C10orf90: variants seen among roughly 807,000 people sequenced by gnomAD.
C10orf90 encodes chromosome 10 open reading frame 90.
In C10orf90, 56 loss-of-function variants were observed where a neutral mutation model predicts 62.5. That is an observed-to-expected ratio of 0.90 (90% CI 0.72 to 1.12). C10orf90 has a LOEUF of 1.12. C10orf90 is among the 50% of genes most tolerant of loss of function. The probability of loss-of-function intolerance (pLI) is 0.00; values close to 1 mark genes in which losing one functional copy is unlikely to be tolerated. For missense variants in C10orf90, 970 were observed against 880.4 expected (o/e 1.10, Z -1.29); for synonymous variants, 386 against 340.4 (o/e 1.13, Z -1.47).
intron 2 of C10orf90, among the ~76,000 whole-genome samples, chr10:126,565,147 ATATGTAATATAATATTTATATTACATAT>A (rs1564874067): frequency 5.4e-5 from 1 of 18,632 alleles, no homozygotes; most frequent in Non-Finnish European, 8.1e-5. Context: ...ATAATATTAA[ATATGTAATATAATATTTATATTACATAT>A]TATGTAATAT....
chr10:126,505,683 G>A (rs1252903369), intron 3 of C10orf90, among the ~76,000 whole-genome samples: 1 of 152,164 alleles, frequency 6.6e-6, no homozygotes, highest in African/African-American at 2.4e-5. Context: ...AGCTGGGCAT[G>A]GTGGCTCACA....
chr10:126,537,938 G>A (rs535989089), intron 2 of C10orf90, among the ~76,000 whole-genome samples: 136 of 152,212 alleles, frequency 8.9e-4, no homozygotes, highest in African/African-American at 2.7e-3. Flanking sequence ...TGTGACTATT[G>A]TACAGAAAAG....
Position 126,449,945 on chromosome 10 carries a change from C to T in C10orf90, c.2188+9095G>A, listed in dbSNP as rs990122891. On this transcript the variant is annotated intron_variant, in intron 7 of 9. Transcript: ENST00000488181. The stretch of plus-strand genomic sequence containing the variant: ...CTGGGAGGCAGAGGTTGCAGTGAGC[C>T]GAGATTGCACCACTGCACTCCAGCC... Among the ~76,000 whole-genome samples, 8 of 148,912 alleles carry T rather than the reference C, an allele frequency of 5.4e-5. No homozygotes were observed. The South Asian group carries it at 6.4e-4, about 12-fold the overall frequency.
At chr10:126,487,052 G>A (rs1322405597) in intron 4 of C10orf90, among the ~76,000 whole-genome samples, 2 of 148,956 alleles carry the variant, frequency 1.3e-5, no homozygotes, top group Non-Finnish European at 3.0e-5. Flanking sequence ...GGCTGAGGCA[G>A]GAGGATCACT....
chr10:126,437,547 G>A (rs947357598), intron 7 of C10orf90, among the ~76,000 whole-genome samples: 7 of 152,158 alleles, frequency 4.6e-5, no homozygotes, highest in Non-Finnish European at 1.0e-4. Context: ...GGGTTTTGAG[G>A]CTTTGAGGAA....
At chr10:126,657,261 C>A (rs1022436294) in intron 1 of C10orf90, among the ~76,000 whole-genome samples, 53 of 152,318 alleles carry the variant, frequency 3.5e-4, no homozygotes, top group African/African-American at 1.2e-3. Context: ...ATCTCCAGTA[C>A]CTTTTTATCA....
At chr10:126,448,812 A>G (rs1858968606) in intron 7 of C10orf90, among the ~76,000 whole-genome samples, 1 of 152,204 alleles carries the variant, frequency 6.6e-6, no homozygotes, top group South Asian at 2.1e-4. Context: ...AAGAATATAC[A>G]TCCTGCCAAG....
In C10orf90 at chr10:126,456,408, C is replaced by G. The variant is rs1289832655; in HGVS notation, c.2188+2632G>C. ...AGAGCATGCTGCTTGCCAGGACTGT[C>G]TTGGAATGTGGGGAGTAAAAGGTAC... On this transcript the variant is annotated intron_variant, in intron 7 of 9. Transcript: ENST00000488181. This position sits in a 1 kb window ranked among gnomAD's most constrained non-coding sequence, Gnocchi z 4.9. 6.6e-6 allele frequency among the ~76,000 whole-genome samples: 1 copy of G among 152,160 alleles called. No individual in the cohort carries two copies. Among genetic ancestry groups the G allele is most frequent in the Non-Finnish European group, 1.5e-5 (1 of 68,036 alleles).
intron 4 of C10orf90, among the ~76,000 whole-genome samples, chr10:126,482,754 C>A (rs187396630): frequency 1.4e-3 from 206 of 152,312 alleles, no homozygotes; most frequent in Non-Finnish European, 1.6e-3. Flanking sequence ...CCAGGCCATG[C>A]AGACCAGACA....
chr10:126,568,780 C>T (rs943104736), intron 2 of C10orf90, among the ~76,000 whole-genome samples: 42 of 152,258 alleles, frequency 2.8e-4, no homozygotes, highest in African/African-American at 1.0e-3. Flanking sequence ...TCACAGCTCA[C>T]AGTGCCATTT....
chr10:126,549,935 C>T (rs1591089126), intron 2 of C10orf90, among the ~76,000 whole-genome samples: 3 of 150,642 alleles, frequency 2.0e-5, no homozygotes, highest in Non-Finnish European at 2.9e-5. Flanking sequence ...ATGCTACATG[C>T]TATACAATTC....
intron 7 of C10orf90, among the ~76,000 whole-genome samples, chr10:126,437,585 C>T (rs139946180): frequency 3.5e-4 from 53 of 152,282 alleles, no homozygotes; most frequent in African/African-American, 9.9e-4. Context: ...AAAGACTACT[C>T]AGTTAAATTT....
At chr10:126,579,259 C>G (rs1487561769) in intron 2 of C10orf90, among the ~76,000 whole-genome samples, 1 of 81,374 alleles carries the variant, frequency 1.2e-5, no homozygotes, top group Admixed American at 1.2e-4. Flanking sequence ...ATCTATATTT[C>G]TTTCTTTCTT....
intron 2 of C10orf90, among the ~76,000 whole-genome samples, chr10:126,642,486 C>G (rs564610998): frequency 1.3e-5 from 2 of 151,926 alleles, no homozygotes; most frequent in Admixed American, 6.5e-5. Flanking sequence ...AAGCCCAGAT[C>G]GCGCCACTGC....
chr10:126,453,476 CG>C lies in C10orf90; in HGVS notation c.2188+5563del, dbSNP rs1483257608. Reference sequence around the variant, plus strand: ...GGAGAAAGAAGGATGGGAATCAGGACGGCTTTGTAGAAGAAGGGGATGTTCC... The same window carrying C: ...GGAGAAAGAAGGATGGGAATCAGGACGCTTTGTAGAAGAAGGGGATGTTCC... On this transcript the variant is annotated intron_variant, in intron 7 of 9. Transcript: ENST00000488181. This position sits in a 1 kb window ranked among gnomAD's most constrained non-coding sequence, Gnocchi z 4.9. 3.4e-5 allele frequency among the ~76,000 whole-genome samples: 5 copies of C among 148,184 alleles called. No homozygotes were observed. The highest frequency in any genetic ancestry group is 7.6e-5 in the Non-Finnish European group (5 of 66,122).
chr10:126,658,880 A>C (rs1478941882), intron 1 of C10orf90, among the ~76,000 whole-genome samples: 2 of 152,160 alleles, frequency 1.3e-5, no homozygotes, highest in Non-Finnish European at 2.9e-5. Flanking sequence ...AGCGTGAGCC[A>C]TTGCTCCTAG....
At chr10:126,428,615 G>T (rs552888742) in intron 8 of C10orf90, among the ~76,000 whole-genome samples, 1 of 152,050 alleles carries the variant, frequency 6.6e-6, no homozygotes, top group African/African-American at 2.4e-5. Flanking sequence ...TAAAATGATA[G>T]GGCAATACTC....
chr10:126,579,399 C>T (rs1425000102), intron 2 of C10orf90, among the ~76,000 whole-genome samples: 1 of 151,896 alleles, frequency 6.6e-6, no homozygotes, highest in African/African-American at 2.4e-5. Context: ...CACCACCATG[C>T]CCAGCTAATT....
intron 2 of C10orf90, among the ~76,000 whole-genome samples, chr10:126,592,668 G>T (rs1025114349): frequency 3.9e-5 from 6 of 152,256 alleles, no homozygotes; most frequent in African/African-American, 1.4e-4. Context: ...AAAAGCAATT[G>T]CAACAAAAGC....
Sources: allele counts gnomAD v4.1 joint callset (sites outside exome capture counted in the v4.1 genomes callset), GRCh38; gene constraint gnomAD v4.1.1; non-coding constraint Gnocchi (gnomAD v3.1); transcripts MANE v1.5; gene names NCBI Gene and HGNC (gene_info 2026-07-23, HGNC 2026-07-21).